The following MTARC1 variants were observed in gnomAD, a reference collection of about 807,000 sequenced individuals.
MTARC1 encodes mitochondrial amidoxime reducing component 1.
Under a neutral mutation model 33.6 loss-of-function variants are expected in MTARC1, and 24 were observed. The observed-to-expected ratio is 0.72, with a 90% CI of 0.52 to 1.01. The LOEUF (loss-of-function observed/expected upper bound fraction) is 1.01, where lower values mean the gene tolerates loss of function less well. Ranked by LOEUF, MTARC1 falls within the 50% of genes least tolerant of loss-of-function variation. The probability of loss-of-function intolerance (pLI) is 0.00; values close to 1 mark genes in which losing one functional copy is unlikely to be tolerated. For synonymous variants in MTARC1, 187 were observed against 189.5 expected, an observed-to-expected ratio of 0.99 and a Z score of 0.11; for missense variants, 417 against 445.7, an observed-to-expected ratio of 0.94 and a Z score of 0.58.
chr1:220,805,180 T>C (rs772847110), intron 5 of MTARC1, 23 bp from the exon 6 acceptor site: 2 of 1,614,110 alleles, frequency 1.2e-6, no homozygotes, highest in Middle Eastern at 1.7e-4. Context: ...GTCCCCCTTA[T>C]GATGCTCTGT....
intron 2 of MTARC1, 112 bp from the exon 3 acceptor site, chr1:220,796,531 G>A: frequency 7.9e-7 from 1 of 1,261,306 alleles, no homozygotes; most frequent in Non-Finnish European, 1.1e-6. Flanking sequence ...TGATAATTAA[G>A]AAATGACAGT....
chr1:220,812,470 G>A (rs1053284366), intron 6 of MTARC1, among the ~76,000 whole-genome samples: 1 of 152,224 alleles, frequency 6.6e-6, no homozygotes, highest in Non-Finnish European at 1.5e-5. Context: ...ATGATAGTCT[G>A]AGCATGCTGG....
At chr1:220,809,105 G>A in intron 6 of MTARC1, 2 of 346,402 alleles carry the variant, frequency 5.8e-6, no homozygotes, top group South Asian at 4.4e-5. Context: ...AACTCCATGG[G>A]AGGAGGCAGA....
At chr1:220,810,551 A>G (rs1383823333) in intron 6 of MTARC1, among the ~76,000 whole-genome samples, 1 of 149,728 alleles carries the variant, frequency 6.7e-6, no homozygotes, top group Admixed American at 6.6e-5. Flanking sequence ...CCACACCTGC[A>G]CTTTCACAAA....
chr1:220,799,592 A>G (rs116479054), intron 4 of MTARC1, among the ~76,000 whole-genome samples: 64 of 152,344 alleles, frequency 4.2e-4, no homozygotes, highest in Non-Finnish European at 7.3e-4. Context: ...ACGGCAGCCC[A>G]GCGGGATAAA....
chr1:220,797,618 G>C, intron 3 of MTARC1: 1 of 476,378 alleles, frequency 2.1e-6, no homozygotes, highest in Middle Eastern at 5.5e-4. Flanking sequence ...TGTCCCCAAG[G>C]GCACATGCCT....
rs1330124800 is a variant in MTARC1 at position 220,817,528 on chromosome 1, G to A, written c.*4110G>A. On this transcript the variant is annotated 3_prime_UTR_variant, in exon 7 of 7. Transcript: ENST00000366910. ...GGTCCATTTTACAGAGTGCTGATTGGTGCATTTACAATCCTTTAGCTAGAC... is the reference window on the plus strand; with the variant it reads ...GGTCCATTTTACAGAGTGCTGATTGATGCATTTACAATCCTTTAGCTAGAC... The A allele has an allele frequency of 1.1e-5, 1 of 93,738 alleles. No homozygotes were observed. Among genetic ancestry groups the A allele is most frequent in the Non-Finnish European group, 2.6e-5 (1 of 37,820 alleles). The allele number at this position is 93,738 out of a possible 1,614,324, so 5.8% of individuals were successfully genotyped here.
rs12043252 is a variant in MTARC1 at position 220,787,586 on chromosome 1, C to T, written c.275+367C>T. On this transcript the variant is annotated intron_variant, in intron 1 of 6. Coordinates refer to ENST00000366910, the MANE Select transcript of MTARC1 (RefSeq NM_022746.4). ...GGCGGCTAGCTTGAAGAGGTTGGTT[C>T]CCAGTCGCTATTTTGAGTGACTTTC... Among the ~76,000 whole-genome samples, 1,361 of 152,220 alleles carry T rather than the reference C, an allele frequency of 8.9e-3. 9 individuals carry two copies. Among genetic ancestry groups the T allele is most frequent in the East Asian group, 0.059 (304 of 5,164 alleles).
At chr1:220,793,833 T>A (rs929920444) in intron 2 of MTARC1, 1 of 152,162 alleles carries the variant, frequency 6.6e-6, no homozygotes, top group Admixed American at 6.5e-5. Context: ...CACTTGCACT[T>A]TTTGGGACAG....
intron 3 of MTARC1, among the ~76,000 whole-genome samples, chr1:220,797,403 G>C (rs760944765): frequency 6.6e-6 from 1 of 152,208 alleles, no homozygotes; most frequent in African/African-American, 2.4e-5. Flanking sequence ...TACAGCCCAG[G>C]TGACAAGGAG....
chr1:220,805,282 T>A lies in MTARC1; in HGVS notation c.887+8T>A. 6.2e-7 allele frequency: 1 copy of A among 1,612,560 alleles called. No homozygotes were observed. Among genetic ancestry groups the A allele is most frequent in the Non-Finnish European group, 8.5e-7 (1 of 1,179,994 alleles). ...GCTGGAAACACTGAAGAGGTAGGAC[T>A]GGGCAGACGGGGCTCATCCTCGGGT... is the stretch of plus-strand genomic sequence containing the variant. On this transcript the variant is annotated splice_region_variant and intron_variant, in intron 6 of 6. Transcript: ENST00000366910.
At chr1:220,794,016 C>T (rs1335828799) in intron 2 of MTARC1, 1 of 152,176 alleles carries the variant, frequency 6.6e-6, no homozygotes, top group Non-Finnish European at 1.5e-5. Context: ...CAATGGAAAT[C>T]AGTGTCAGAT....
rs753629375 is a variant in MTARC1 at position 220,787,232 on chromosome 1, G to GCCGGCGCGGGGCAGCGCTGAT, written c.275+19_275+39dup. 6.4e-7 allele frequency: 1 copy of GCCGGCGCGGGGCAGCGCTGAT among 1,554,624 alleles called. No individual in the cohort carries two copies. The highest frequency in any genetic ancestry group is 1.2e-5 in the South Asian group (1 of 84,612). ...ACCTGCGGGACAGGTACGGCCAAGC[G>GCCGGCGCGGGGCAGCGCTGAT]CCGGCGCGGGGCAGCGCTGATCCGG... On this transcript the variant is annotated intron_variant, in intron 1 of 6. Coordinates refer to ENST00000366910, the MANE Select transcript of MTARC1 (RefSeq NM_022746.4).
chr1:220,811,813 C>T (rs1045309337), intron 6 of MTARC1, among the ~76,000 whole-genome samples: 1 of 152,140 alleles, frequency 6.6e-6, no homozygotes, highest in Non-Finnish European at 1.5e-5. Context: ...TTTATACTGC[C>T]TCTGACAGAC....
At position 220,817,193 on chromosome 1, in the gene MTARC1, G is replaced by C. The variant is rs1168901337; in HGVS notation, c.*3775G>C. ...AGCTCACTGCAGCCTCTGCCTCCCA[G>C]GTTCAAGCAATTCTTCTGCCTCAGC... On this transcript the variant is annotated 3_prime_UTR_variant, in exon 7 of 7. Transcript: ENST00000366910. 2 of 153,888 alleles carry C rather than the reference G, an allele frequency of 1.3e-5. No homozygotes were observed. Among genetic ancestry groups the C allele is most frequent in the Non-Finnish European group, 2.9e-5 (2 of 69,694 alleles). The allele number at this position is 153,888 out of a possible 1,614,324, so 9.5% of individuals were successfully genotyped here. A position where few individuals can be genotyped will look rare whatever the true frequency, so the allele number is the denominator to read the frequency against.
At chr1:220,790,346 A>T (rs1571661196) in intron 1 of MTARC1, among the ~76,000 whole-genome samples, 2 of 152,180 alleles carry the variant, frequency 1.3e-5, no homozygotes, top group South Asian at 4.1e-4. Flanking sequence ...CTTGTTTAGG[A>T]GTTGGTTTTA....
At chr1:220,789,713 A>G (rs1672364247) in intron 1 of MTARC1, among the ~76,000 whole-genome samples, 1 of 152,264 alleles carries the variant, frequency 6.6e-6, no homozygotes, top group Non-Finnish European at 1.5e-5. Flanking sequence ...TATACACACA[A>G]TGGAATATTA....
intron 4 of MTARC1, among the ~76,000 whole-genome samples, chr1:220,803,218 G>A (rs1228613777): frequency 2.0e-5 from 3 of 152,170 alleles, no homozygotes; most frequent in Admixed American, 6.5e-5. Flanking sequence ...AAGAGAGTGC[G>A]TGCAGGGGAA....
At chr1:220,813,184 C>T in intron 6 of MTARC1, 108 bp from the exon 7 acceptor site, 1 of 1,443,214 alleles carries the variant, frequency 6.9e-7, no homozygotes, top group African/African-American at 1.4e-5. Flanking sequence ...CGGGATGGTG[C>T]CCTCTCGAGC....
Sources: gnomAD v4.1 joint callset for allele counts (sites outside exome capture counted in the v4.1 genomes callset) on GRCh38, gnomAD v4.1.1 for gene constraint, MANE v1.5 for transcripts, NCBI Gene and HGNC (gene_info 2026-07-23, HGNC 2026-07-21) for gene names.